Variants in BAIAP2L1 observed in about 807,000 individuals in gnomAD.
The protein encoded by BAIAP2L1 is BAR/IMD domain-containing adapter protein 2-like 1.
Under a neutral mutation model 66.3 loss-of-function variants are expected in BAIAP2L1, and 35 were observed. That is an observed-to-expected ratio of 0.53 (90% CI 0.40 to 0.70). The LOEUF (loss-of-function observed/expected upper bound fraction) is 0.70. Ranked by LOEUF, BAIAP2L1 falls within the 30% of genes least tolerant of loss-of-function variation. The pLI is 0.00. For missense variants in BAIAP2L1, 622 were observed against 656.9 expected (o/e 0.95, Z 0.58); for synonymous variants, 269 against 248.7 (o/e 1.08, Z -0.77).
rs190130298 is a variant in BAIAP2L1 at position 98,348,508 on chromosome 7, A to G, written c.214+6534T>C. On this transcript the variant is annotated intron_variant, in intron 3 of 13. Transcript: ENST00000005260. ...CTTGAACCCGGGAAGCAGAGGTTGC[A>G]GTGAGCCGAGATTGCACCACTGCAC... Among the ~76,000 whole-genome samples the G allele has an allele frequency of 6.3e-4, 94 of 150,272 alleles. No homozygotes were observed. In the Middle Eastern group the frequency reaches 0.01, roughly 16 times the overall value.
In BAIAP2L1 at chr7:98,293,587, G is replaced by GT; in HGVS notation, c.1469dup (p.Asn490LysfsTer15). On this transcript the variant is annotated frameshift_variant, in exon 14 of 14. Coordinates refer to ENST00000005260, the MANE Select transcript of BAIAP2L1 (RefSeq NM_018842.5). LOFTEE classifies it high-confidence loss of function. ...GGCGGAGTTTCACAGTGGCAAAGGG[G>GT]TTTTCTCCGCTGCAGGGGATAAGAA... is the stretch of plus-strand genomic sequence containing the variant. The GT allele has an allele frequency of 1.2e-6, 2 of 1,613,756 alleles. No individual in the cohort carries two copies. The highest frequency in any genetic ancestry group is 1.7e-6 in the Non-Finnish European group (2 of 1,179,732).
At chr7:98,299,993 A>G (rs1175211233) in intron 12 of BAIAP2L1, among the ~76,000 whole-genome samples, 1 of 152,154 alleles carries the variant, frequency 6.6e-6, no homozygotes. Context: ...GTGAACCAAG[A>G]TCATGCCACT....
At chr7:98,295,376 C>T (rs950914612) in intron 12 of BAIAP2L1, among the ~76,000 whole-genome samples, 13 of 152,212 alleles carry the variant, frequency 8.5e-5, no homozygotes, top group Non-Finnish European at 1.9e-4. Flanking sequence ...AGCCACTGAC[C>T]TGCCTTGCAC....
At chr7:98,303,994 G>T (rs1440131442) in intron 12 of BAIAP2L1, among the ~76,000 whole-genome samples, 3 of 152,194 alleles carry the variant, frequency 2.0e-5, no homozygotes, top group African/African-American at 7.2e-5. Flanking sequence ...AAGAAGGGCT[G>T]AAGTCAAGGA....
intron 3 of BAIAP2L1, among the ~76,000 whole-genome samples, chr7:98,335,270 T>C (rs1167922919): frequency 6.6e-6 from 1 of 150,964 alleles, no homozygotes; most frequent in Non-Finnish European, 1.5e-5. Flanking sequence ...CCAGAAAAGA[T>C]CACCCTTTCC....
intron 3 of BAIAP2L1, among the ~76,000 whole-genome samples, chr7:98,353,688 G>A (rs921546319): frequency 3.5e-5 from 5 of 142,590 alleles, no homozygotes; most frequent in East Asian, 2.0e-4. Flanking sequence ...GGCTGGGCGC[G>A]GTGGCTCACA....
rs1318178780 is a variant in BAIAP2L1, at chr7:98,372,873, G to A, written c.52-10441C>T. Among the ~76,000 whole-genome samples, 3 of 151,722 alleles carry A rather than the reference G, an allele frequency of 2.0e-5. No individual in the cohort carries two copies. In the East Asian group the frequency reaches 5.8e-4, roughly 29 times the overall value. ...CGGTTTTCGTGCCTAAGGAGTAGGT[G>A]GGATTACAGGCACCCACCACCACGC... On this transcript the variant is annotated intron_variant, in intron 1 of 13. Transcript: ENST00000005260.
chr7:98,347,072 C>T (rs1801887660), intron 3 of BAIAP2L1, among the ~76,000 whole-genome samples: 1 of 152,166 alleles, frequency 6.6e-6, no homozygotes, highest in Non-Finnish European at 1.5e-5. Context: ...TACTTCACAA[C>T]ATTGTAATTG....
intron 3 of BAIAP2L1, among the ~76,000 whole-genome samples, chr7:98,339,269 C>T (rs191032206): frequency 3.7e-4 from 56 of 152,222 alleles, no homozygotes; most frequent in South Asian, 8.3e-4. Flanking sequence ...TGCATCTTTG[C>T]CAACACTTGT....
At chr7:98,400,496 G>A (rs578256753) in intron 1 of BAIAP2L1, among the ~76,000 whole-genome samples, 50 of 125,606 alleles carry the variant, frequency 4.0e-4, no homozygotes, top group African/African-American at 1.3e-3. Flanking sequence ...GGGGAGCGGA[G>A]GGGCAGAGGG....
At chr7:98,396,405 T>C (rs759752886) in intron 1 of BAIAP2L1, among the ~76,000 whole-genome samples, 2 of 152,134 alleles carry the variant, frequency 1.3e-5, no homozygotes, top group Non-Finnish European at 2.9e-5. Context: ...AACATGCCAA[T>C]GATGATGAAT....
At chr7:98,353,584 T>C (rs1384403031) in intron 3 of BAIAP2L1, among the ~76,000 whole-genome samples, 1 of 138,164 alleles carries the variant, frequency 7.2e-6, no homozygotes, top group Non-Finnish European at 1.5e-5. Context: ...TAAATACATA[T>C]ATATTTATAT....
intron 7 of BAIAP2L1, among the ~76,000 whole-genome samples, chr7:98,313,280 A>G (rs1800944166): frequency 6.6e-6 from 1 of 152,000 alleles, no homozygotes; most frequent in Non-Finnish European, 1.5e-5. Context: ...GTTTTCAGAT[A>G]CTCGAAGAAA....
chr7:98,369,678 T>C (rs1778586885), intron 1 of BAIAP2L1, among the ~76,000 whole-genome samples: 1 of 144,588 alleles, frequency 6.9e-6, no homozygotes, highest in South Asian at 2.3e-4. Flanking sequence ...TTTTTTTTTT[T>C]TTTTTTTTTT....
chr7:98,338,601 CTTCT>C, intron 3 of BAIAP2L1, among the ~76,000 whole-genome samples: 1 of 152,158 alleles, frequency 6.6e-6, no homozygotes, highest in East Asian at 1.9e-4. Context: ...TTTTATCTGG[CTTCT>C]TTGACGTGGC....
At chr7:98,373,671 T>G (rs1802560756) in intron 1 of BAIAP2L1, among the ~76,000 whole-genome samples, 1 of 152,202 alleles carries the variant, frequency 6.6e-6, no homozygotes, top group Admixed American at 6.5e-5. Context: ...GGAGTGCTTA[T>G]CATGTACTCT....
At chr7:98,393,427 G>A (rs1401907253) in intron 1 of BAIAP2L1, among the ~76,000 whole-genome samples, 3 of 151,780 alleles carry the variant, frequency 2.0e-5, no homozygotes, top group Admixed American at 6.6e-5. Context: ...GCAAAGTTAT[G>A]GTTAACTGCA....
At position 98,293,503 on chromosome 7, in the gene BAIAP2L1, G is replaced by A; in HGVS notation, c.*18C>T. The A allele has an allele frequency of 6.2e-7, 1 of 1,608,906 alleles. No homozygotes were observed. The highest frequency in any genetic ancestry group is 1.1e-5 in the South Asian group (1 of 90,982). On this transcript the variant is annotated 3_prime_UTR_variant, in exon 14 of 14. Transcript: ENST00000005260. ...AAGGGAGAACCGGAGAGGCCCGGGAGAGTCCTTGGCTGTCCTCTCATCGAA... is the reference window on the plus strand; with the variant it reads ...AAGGGAGAACCGGAGAGGCCCGGGAAAGTCCTTGGCTGTCCTCTCATCGAA...
chr7:98,360,238 A>T (rs1359175235), intron 2 of BAIAP2L1, among the ~76,000 whole-genome samples: 2 of 151,516 alleles, frequency 1.3e-5, no homozygotes, highest in East Asian at 1.9e-4. Flanking sequence ...TAATTTTTAA[A>T]TTTTTTTTGT....
Sources: gnomAD v4.1 joint callset for allele counts (sites outside exome capture counted in the v4.1 genomes callset) on GRCh38, gnomAD v4.1.1 for gene constraint, MANE v1.5 for transcripts, NCBI Gene and HGNC (gene_info 2026-07-23, HGNC 2026-07-21) for gene names.